The following CWH43 variants were observed in gnomAD, a reference collection of about 807,000 sequenced individuals.
The protein encoded by CWH43 is cell wall biogenesis 43 C-terminal homolog.
A neutral mutation model predicts 85.7 loss-of-function variants in CWH43; 91 were observed. The observed-to-expected ratio is 1.06, with a 90% CI of 0.90 to 1.26. The LOEUF is 1.26. CWH43 is among the 50% of genes most tolerant of loss of function. CWH43 has a pLI of 0.00. For missense variants in CWH43, 869 were observed against 839.2 expected, an observed-to-expected ratio of 1.04 and a Z score of -0.44; for synonymous variants, 323 against 293.6, an observed-to-expected ratio of 1.10 and a Z score of -1.02.
intron 12 of CWH43, among the ~76,000 whole-genome samples, 186 bp from the exon 13 acceptor site, chr4:49,037,850 G>T (rs1261010296): frequency 6.6e-6 from 1 of 152,174 alleles, no homozygotes; most frequent in Non-Finnish European, 1.5e-5. Context: ...ATGTCTGTCA[G>T]CCTATTCATT....
At position 49,049,920 on chromosome 4, in the gene CWH43, T is replaced by A. The variant is rs139434795; in HGVS notation, c.1866-774T>A. Among the ~76,000 whole-genome samples the A allele has an allele frequency of 2.6e-3, 393 of 152,336 alleles. 2 individuals carry two copies. Among genetic ancestry groups the A allele is most frequent in the African/African-American group, 9.0e-3 (375 of 41,582 alleles). ...GACTTATTGTAAACATACATATGTG[T>A]TTAATGCATCCTTCCCTACTAGAAT... On this transcript the variant is annotated intron_variant, in intron 14 of 15. Coordinates refer to ENST00000226432, the MANE Select transcript of CWH43 (RefSeq NM_025087.3).
chr4:49,017,267 G>A lies in CWH43; in HGVS notation c.1205G>A (p.Gly402Asp), dbSNP rs777004978. 3 of 1,611,652 alleles carry A rather than the reference G, an allele frequency of 1.9e-6. No homozygotes were observed. Among genetic ancestry groups the A allele is most frequent in the South Asian group, 1.1e-5 (1 of 90,606 alleles). The change falls in exon 9 of 16, where the codon GGT becomes GAT. Residue 402 changes from glycine (G) to aspartate (D), a missense_variant. Transcript: ENST00000226432. ...YMKLFLWLLV[G>D]VGLLGLGLRH... Reference sequence around the variant, plus strand: ...TGTTTAGTTCTGTGGCTGCTTGTTGGTGTGGGATTGTTGGGATTAGGACTA... The same window carrying A: ...TGTTTAGTTCTGTGGCTGCTTGTTGATGTGGGATTGTTGGGATTAGGACTA...
chr4:49,024,177 T>C (rs1295103215), intron 9 of CWH43, among the ~76,000 whole-genome samples: 4 of 152,246 alleles, frequency 2.6e-5, no homozygotes, highest in Non-Finnish European at 5.9e-5. Context: ...TGCTCACTTT[T>C]GGTGTCCATT....
At chr4:49,014,378 A>T (rs1236748126) in intron 8 of CWH43, among the ~76,000 whole-genome samples, 1 of 150,598 alleles carries the variant, frequency 6.6e-6, no homozygotes, top group Non-Finnish European at 1.5e-5. Context: ...AAGTGGGAGG[A>T]TCTTTTGAGC....
chr4:49,047,175 C>A (rs956100374), intron 14 of CWH43, among the ~76,000 whole-genome samples: 2 of 152,196 alleles, frequency 1.3e-5, no homozygotes, highest in African/African-American at 4.8e-5. Context: ...GATATAGAAT[C>A]ATGGATTCAA....
chr4:49,006,483 C>A (rs1455146178), intron 7 of CWH43, among the ~76,000 whole-genome samples: 1 of 152,148 alleles, frequency 6.6e-6, no homozygotes, highest in Admixed American at 6.6e-5. Flanking sequence ...TGGATTCCTC[C>A]TGCTATTTCC....
chr4:49,009,843 A>G (rs1452138929), intron 8 of CWH43, among the ~76,000 whole-genome samples: 1 of 152,096 alleles, frequency 6.6e-6, no homozygotes, highest in Non-Finnish European at 1.5e-5. Context: ...ATCTTGGTGG[A>G]TAAGCTTTTT....
chr4:49,056,861 T>A (rs1400521967), intron 15 of CWH43, among the ~76,000 whole-genome samples: 2 of 152,212 alleles, frequency 1.3e-5, no homozygotes, highest in African/African-American at 4.8e-5. Context: ...CATTTTTATT[T>A]GTCTCAACAT....
intron 14 of CWH43, among the ~76,000 whole-genome samples, chr4:49,045,663 T>C (rs1784600564): frequency 6.6e-6 from 1 of 152,326 alleles, no homozygotes; most frequent in African/African-American, 2.4e-5. Context: ...TGTGTAAGTA[T>C]GCACTATGAT....
chr4:49,008,572 T>G (rs1169145642), intron 8 of CWH43, among the ~76,000 whole-genome samples: 1 of 152,218 alleles, frequency 6.6e-6, no homozygotes, highest in African/African-American at 2.4e-5. Context: ...TGAATGGTAT[T>G]GCCTAGGTTT....
rs140534523 is a variant in CWH43, at chr4:49,020,416, C to CACACACAT, written c.1266+3089_1266+3090insCACACATA. 9.2e-4 allele frequency among the ~76,000 whole-genome samples: 118 copies of CACACACAT among 128,384 alleles called. 1 individual carries two copies. Among genetic ancestry groups the CACACACAT allele is most frequent in the East Asian group, 4.5e-3 (20 of 4,490 alleles). 84.2% of individuals were successfully genotyped at this position (128,384 alleles called of 152,430 possible). A position where few individuals can be genotyped will look rare whatever the true frequency, so the allele number is the denominator to read the frequency against. On this transcript the variant is annotated intron_variant, in intron 9 of 15. Transcript: ENST00000226432. ...ACACACACACACACACACACACACA[C>CACACACAT]ATATATATATATAAATCATATTTTC...
intron 9 of CWH43, among the ~76,000 whole-genome samples, chr4:49,018,251 G>A (rs538487746): frequency 1.5e-4 from 23 of 152,130 alleles, no homozygotes; most frequent in African/African-American, 5.3e-4. Context: ...GAACAGTACC[G>A]AGGGTGTGGT....
intron 15 of CWH43, among the ~76,000 whole-genome samples, chr4:49,051,179 G>A (rs1259134245): frequency 3.3e-5 from 5 of 152,108 alleles, no homozygotes; most frequent in Non-Finnish European, 5.9e-5. Flanking sequence ...CCTGTTATAG[G>A]TGCTTTTTGT....
At chr4:48,993,322 C>A (rs534002630) in intron 4 of CWH43, among the ~76,000 whole-genome samples, 1 of 152,164 alleles carries the variant, frequency 6.6e-6, no homozygotes, top group Non-Finnish European at 1.5e-5. Context: ...TCTTTTTCCT[C>A]AAAACTCTCC....
At chr4:49,022,064 C>A (rs918135972) in intron 9 of CWH43, among the ~76,000 whole-genome samples, 12 of 152,070 alleles carry the variant, frequency 7.9e-5, no homozygotes, top group African/African-American at 2.7e-4. Flanking sequence ...GTTCAATGTG[C>A]TGGCTAGAAC....
In CWH43 at chr4:48,988,498, A is replaced by G; in HGVS notation, c.65A>G (p.Tyr22Cys). ...GTAGGATGTGTTTCTTGGTCTCTCTACCATGACCTGGGACCGATGATCTAT... is the reference window on the plus strand; with the variant it reads ...GTAGGATGTGTTTCTTGGTCTCTCTGCCATGACCTGGGACCGATGATCTAT... ...SLLGCVSWSLYHDLGPMIYYF... is the reference protein window; with the variant it reads ...SLLGCVSWSLCHDLGPMIYYF... The change falls in exon 2 of 16, where the codon TAC becomes TGC. Residue 22 changes from tyrosine to cysteine, a missense_variant. Coordinates refer to ENST00000226432, the MANE Select transcript of CWH43 (RefSeq NM_025087.3). 3 of 1,595,230 alleles carry G rather than the reference A, an allele frequency of 1.9e-6. No homozygotes were observed. The highest frequency in any genetic ancestry group is 2.6e-6 in the Non-Finnish European group (3 of 1,174,214).
Position 49,061,885 on chromosome 4 carries a change from T to C in CWH43, c.2095T>C (p.Leu699=). ...HFHMNTPKYF[L] ...TCATATGAATACTCCCAAATACTTTTTATGAAACATTTAAAACAAGAAGTT... is the reference window on the plus strand; with the variant it reads ...TCATATGAATACTCCCAAATACTTTCTATGAAACATTTAAAACAAGAAGTT... Residue 699 remains leucine (L), a synonymous_variant, in exon 16 of 16, where the codon TTA becomes CTA. Transcript: ENST00000226432. The C allele has an allele frequency of 7.3e-7, 1 of 1,372,236 alleles. No homozygotes were observed. Among genetic ancestry groups the C allele is most frequent in the Non-Finnish European group, 9.7e-7 (1 of 1,031,986 alleles). The allele number at this position is 1,372,236 out of a possible 1,614,324, so 85.0% of individuals were successfully genotyped here. A position where few individuals can be genotyped will look rare whatever the true frequency, so the allele number is the denominator to read the frequency against.
chr4:49,057,982 T>G (rs915969258), intron 15 of CWH43, among the ~76,000 whole-genome samples: 1 of 152,216 alleles, frequency 6.6e-6, no homozygotes, highest in African/African-American at 2.4e-5. Flanking sequence ...TCGCTTTCAG[T>G]CTATGTATAT....
chr4:49,011,777 C>T (rs1411506557), intron 8 of CWH43, among the ~76,000 whole-genome samples: 2 of 152,164 alleles, frequency 1.3e-5, no homozygotes, highest in Admixed American at 6.6e-5. Context: ...AAATTCTTTT[C>T]TTTAAGAATG....
Sources: gnomAD v4.1 joint callset for allele counts (sites outside exome capture counted in the v4.1 genomes callset) on GRCh38, gnomAD v4.1.1 for gene constraint, MANE v1.5 for transcripts, NCBI Gene and HGNC (gene_info 2026-07-23, HGNC 2026-07-21) for gene names.